The following MAF variants were observed in gnomAD, a reference collection of about 807,000 sequenced individuals.
The protein encoded by MAF is transcription factor Maf.
MAF carries 10 observed loss-of-function variants against 22.0 expected under a neutral mutation model. The observed-to-expected ratio is 0.45, with a 90% CI of 0.28 to 0.77. The LOEUF is 0.77. MAF is among the 30% of genes least tolerant of loss of function. The pLI is 0.12. For missense variants in MAF, 544 were observed against 548.4 expected (o/e 0.99, Z 0.08); for synonymous variants, 337 against 255.8 (o/e 1.32, Z -3.03).
chr16:79,245,475 A>T, the MAF span, among the ~76,000 whole-genome samples: 1 of 152,260 alleles, frequency 6.6e-6, no homozygotes, highest in African/African-American at 2.4e-5. Context: ...ATCACTGGTC[A>T]TTAGAGAAAT....
At chr16:79,226,143 T>C in the MAF span, among the ~76,000 whole-genome samples, 61 of 152,278 alleles carry the variant, frequency 4.0e-4, no homozygotes, top group African/African-American at 1.5e-3. Context: ...TGCCCATCAA[T>C]GATAGACTGG....
At chr16:79,400,035 C>A in the MAF span, among the ~76,000 whole-genome samples, 2 of 152,224 alleles carry the variant, frequency 1.3e-5, no homozygotes, top group Non-Finnish European at 2.9e-5. Flanking sequence ...GTACCCGACA[C>A]AGGTCTAGAG....
the MAF span, among the ~76,000 whole-genome samples, chr16:79,477,059 A>C: frequency 6.6e-6 from 1 of 152,162 alleles, no homozygotes; most frequent in Non-Finnish European, 1.5e-5. Flanking sequence ...GGCCAATAGA[A>C]GTCCCCAGAA....
At chr16:79,467,026 C>T in the MAF span, among the ~76,000 whole-genome samples, 1 of 152,192 alleles carries the variant, frequency 6.6e-6, no homozygotes, top group African/African-American at 2.4e-5. Flanking sequence ...AAGCCATGCC[C>T]CTAAGCTGAA....
chr16:79,265,177 A>G, the MAF span, among the ~76,000 whole-genome samples: 1 of 152,196 alleles, frequency 6.6e-6, no homozygotes, highest in Non-Finnish European at 1.5e-5. Flanking sequence ...AAGATCCATT[A>G]ATTTCATTGG....
the MAF span, among the ~76,000 whole-genome samples, chr16:79,511,091 C>T: frequency 1.5e-5 from 1 of 66,750 alleles, no homozygotes; most frequent in Non-Finnish European, 3.3e-5. Flanking sequence ...TGAGAATCTC[C>T]CCGCGCACAA....
the MAF span, among the ~76,000 whole-genome samples, chr16:79,223,859 G>T: frequency 2.0e-5 from 3 of 152,196 alleles, no homozygotes; most frequent in Admixed American, 2.0e-4. Context: ...GAAATTGAGG[G>T]AGTAATTAAT....
At chr16:79,591,223 T>A (rs2143734252), downstream of MAF, among the ~76,000 whole-genome samples, 1 of 152,178 alleles carries the variant, frequency 6.6e-6, no homozygotes, top group South Asian at 2.1e-4. Flanking sequence ...AATAGAGAAA[T>A]TCAGAATGCG....
chr16:79,551,687 T>G, the MAF span, among the ~76,000 whole-genome samples: 1 of 152,212 alleles, frequency 6.6e-6, no homozygotes, highest in East Asian at 1.9e-4. Context: ...TTTCAATTTT[T>G]TTGAAGTCAA....
At chr16:79,475,498 T>G in the MAF span, among the ~76,000 whole-genome samples, 1 of 152,060 alleles carries the variant, frequency 6.6e-6, no homozygotes, top group East Asian at 1.9e-4. Flanking sequence ...TTTTCAAATG[T>G]CTGTGTATAT....
the MAF span, among the ~76,000 whole-genome samples, chr16:79,465,470 G>C: frequency 2.0e-5 from 3 of 152,136 alleles, no homozygotes; most frequent in Non-Finnish European, 4.4e-5. Context: ...ATGTGTGCCT[G>C]TAGTCCCGGC....
chr16:79,549,944 C>G, the MAF span, among the ~76,000 whole-genome samples: 1 of 152,032 alleles, frequency 6.6e-6, no homozygotes, highest in Non-Finnish European at 1.5e-5. Flanking sequence ...GTTTAAGCAC[C>G]AATTAACTGA....
At chr16:79,229,368 G>C in the MAF span, 9 of 151,832 alleles carry the variant, frequency 5.9e-5, no homozygotes, top group Non-Finnish European at 7.4e-5. Context: ...CATTGTGCAG[G>C]GTGTCTCTTT....
chr16:79,419,778 G>GT, the MAF span, among the ~76,000 whole-genome samples: 1 of 152,260 alleles, frequency 6.6e-6, no homozygotes, highest in Admixed American at 6.5e-5. Flanking sequence ...CTAATCAAGA[G>GT]TGCAGGAAGC....
chr16:79,428,852 T>A, the MAF span, among the ~76,000 whole-genome samples: 9 of 143,172 alleles, frequency 6.3e-5, no homozygotes, highest in Non-Finnish European at 7.9e-5. Context: ...CTCAGAAAAA[T>A]AATAATAATA....
chr16:79,289,629 A>G, the MAF span, among the ~76,000 whole-genome samples: 2 of 152,118 alleles, frequency 1.3e-5, no homozygotes, highest in East Asian at 3.9e-4. Flanking sequence ...CTGTGGCCAT[A>G]TGGTTATCAT....
At chr16:79,297,301 C>G in the MAF span, among the ~76,000 whole-genome samples, 2 of 152,042 alleles carry the variant, frequency 1.3e-5, no homozygotes, top group African/African-American at 4.8e-5. Context: ...AGCTTTCCAC[C>G]CAGAGAAAAT....
the MAF span, among the ~76,000 whole-genome samples, chr16:79,234,854 G>T: frequency 6.6e-6 from 1 of 152,094 alleles, no homozygotes; most frequent in Non-Finnish European, 1.5e-5. Context: ...AACTTACTTT[G>T]CAGTGGGATA....
At chr16:79,594,881 C>A in intron 1 of MAF, 1 of 1,211,686 alleles carries the variant, frequency 8.3e-7, no homozygotes. Flanking sequence ...TTTGGGGGCC[C>A]AAACCTGCTT....
Sources: gnomAD v4.1 joint callset for allele counts (sites outside exome capture counted in the v4.1 genomes callset) on GRCh38, gnomAD v4.1.1 for gene constraint, MANE v1.5 for transcripts, NCBI Gene and HGNC (gene_info 2026-07-23, HGNC 2026-07-21) for gene names.